ZFPM1: variants seen among roughly 807,000 people sequenced by gnomAD.
The protein encoded by ZFPM1 is zinc finger protein, FOG family member 1, also known as zinc finger protein ZFPM1.
Under a neutral mutation model 46.3 loss-of-function variants are expected in ZFPM1, and 28 were observed. The ratio of observed to expected loss-of-function variants is 0.60; its 90% CI spans 0.45 to 0.83. ZFPM1 has a LOEUF of 0.83. Among genes scored for constraint, ZFPM1 ranks in the 40% least tolerant of loss-of-function variants. ZFPM1 has a pLI of 0.00. For missense variants in ZFPM1, 1,878 were observed against 1,432.4 expected (o/e 1.31, Z -5.02); for synonymous variants, 957 against 675.9 (o/e 1.42, Z -6.45).
Position 88,532,770 on chromosome 16 carries a change from A to G in ZFPM1, c.1043-19A>G, listed in dbSNP as rs779635096. ...CGCCTCCCCGCCCTGGGCCTTGACC[A>G]CCTCGCCATGGCCCACAGGTGTCTG... On this transcript the variant is annotated intron_variant, in intron 8 of 9. Transcript: ENST00000319555. 1 of 1,612,854 alleles carries G rather than the reference A, an allele frequency of 6.2e-7. No homozygotes were observed. The highest frequency in any genetic ancestry group is 8.5e-7 in the Non-Finnish European group (1 of 1,179,794).
chr16:88,476,448 C>T lies in ZFPM1; in HGVS notation c.41-9491C>T, dbSNP rs149592415. Among the ~76,000 whole-genome samples, 584 of 151,606 alleles carry T rather than the reference C, an allele frequency of 3.9e-3. 2 individuals carry two copies. The highest frequency in any genetic ancestry group is 5.0e-3 in the Non-Finnish European group (336 of 67,828). On this transcript the variant is annotated intron_variant, in intron 1 of 9. Transcript: ENST00000319555. ...GAGAGAGGGCCGCCAAGTGGCAGGG[C>T]GGCCATCGTGGGAACTGGGGAGGGC...
At chr16:88,489,416 C>A in intron 3 of ZFPM1, 1 of 450,290 alleles carries the variant, frequency 2.2e-6, no homozygotes, top group Admixed American at 4.0e-5. Flanking sequence ...CTGGTCTGGG[C>A]CGCGGAAGAG....
chr16:88,505,866 G>A (rs561810433), intron 3 of ZFPM1, among the ~76,000 whole-genome samples: 12 of 152,226 alleles, frequency 7.9e-5, no homozygotes, highest in South Asian at 4.1e-4. Flanking sequence ...TGCAGCCGCC[G>A]GCAGGGCCCC....
Position 88,518,038 on chromosome 16 carries a change from G to T in ZFPM1, c.402+3518G>T, listed in dbSNP as rs185707835. 1.3e-3 allele frequency among the ~76,000 whole-genome samples: 196 copies of T among 152,102 alleles called. 1 individual carries two copies. The highest frequency in any genetic ancestry group is 1.9e-3 in the Non-Finnish European group (131 of 67,964). The stretch of plus-strand genomic sequence containing the variant: ...ATCCTGGCTAACATGGTGAAACCCC[G>T]TCTCTATTAAAAAAAAATTAGCCGG... On this transcript the variant is annotated intron_variant, in intron 4 of 9. Coordinates refer to ENST00000319555, the MANE Select transcript of ZFPM1 (RefSeq NM_153813.3).
intron 3 of ZFPM1, among the ~76,000 whole-genome samples, chr16:88,506,377 TG>T (rs1404354495): frequency 6.6e-6 from 1 of 151,880 alleles, no homozygotes; most frequent in East Asian, 1.9e-4. Context: ...GGCAGGGCGC[TG>T]GGGGGCCTTA....
chr16:88,454,304 C>T (rs1284708743), intron 1 of ZFPM1, among the ~76,000 whole-genome samples: 7 of 152,194 alleles, frequency 4.6e-5, no homozygotes, highest in Non-Finnish European at 1.0e-4. Flanking sequence ...AGGCACTTGG[C>T]TCCAGCCCCC....
intron 1 of ZFPM1, among the ~76,000 whole-genome samples, 178 bp downstream of exon 1, chr16:88,453,856 C>G (rs1442954597): frequency 1.3e-5 from 2 of 151,748 alleles, no homozygotes; most frequent in African/African-American, 4.8e-5. Flanking sequence ...GCGGCCTGGG[C>G]CCCCGCGTCT....
intron 3 of ZFPM1, among the ~76,000 whole-genome samples, chr16:88,509,019 G>A (rs989100836): frequency 6.6e-6 from 1 of 152,136 alleles, no homozygotes; most frequent in Non-Finnish European, 1.5e-5. Context: ...TGGCCACCCC[G>A]GTCTGCCTCC....
At chr16:88,455,640 C>A (rs550622351) in intron 1 of ZFPM1, among the ~76,000 whole-genome samples, 3 of 152,012 alleles carry the variant, frequency 2.0e-5, no homozygotes, top group African/African-American at 7.2e-5. Flanking sequence ...CCCACCCGCG[C>A]CCCCATCAAA....
intron 3 of ZFPM1, among the ~76,000 whole-genome samples, chr16:88,493,316 G>A (rs1341232051): frequency 2.0e-5 from 3 of 146,464 alleles, no homozygotes; most frequent in Non-Finnish European, 4.5e-5. Context: ...GCTGTCCTGG[G>A]GTGTGGGAAA....
intron 3 of ZFPM1, among the ~76,000 whole-genome samples, chr16:88,510,925 G>A (rs576062210): frequency 8.5e-5 from 13 of 152,312 alleles, no homozygotes; most frequent in South Asian, 2.1e-4. Context: ...GGCTCGGTCC[G>A]TGGGGCAGGT....
intron 3 of ZFPM1, among the ~76,000 whole-genome samples, chr16:88,501,842 CCCT>C: frequency 6.6e-6 from 1 of 152,032 alleles, no homozygotes; most frequent in African/African-American, 2.4e-5. Flanking sequence ...GGGTGCAGGG[CCCT>C]CCTGCCACTG....
chr16:88,503,215 C>T (rs1260486694), intron 3 of ZFPM1, among the ~76,000 whole-genome samples: 1 of 150,028 alleles, frequency 6.7e-6, no homozygotes, highest in Non-Finnish European at 1.5e-5. Context: ...GTGGAGGGAT[C>T]TGTGTCTGGG....
rs540035386 is a variant in ZFPM1, at chr16:88,469,879, G to A, written c.41-16060G>A. On this transcript the variant is annotated intron_variant, in intron 1 of 9. Coordinates refer to ENST00000319555, the MANE Select transcript of ZFPM1 (RefSeq NM_153813.3). This position sits in a 1 kb window ranked among gnomAD's most constrained non-coding sequence, Gnocchi z 4.3. The stretch of plus-strand genomic sequence containing the variant: ...TAACGTGGGGTGCAGTGCCTCTCAC[G>A]TGGTGAGGGTCAGAGGTGCGTGCCC... 1.1e-4 allele frequency among the ~76,000 whole-genome samples: 17 copies of A among 152,166 alleles called. No homozygotes were observed. The highest frequency in any genetic ancestry group is 5.8e-4 in the East Asian group (3 of 5,158).
At chr16:88,524,817 C>T (rs550022593) in intron 4 of ZFPM1, among the ~76,000 whole-genome samples, 2 of 152,216 alleles carry the variant, frequency 1.3e-5, no homozygotes, top group Non-Finnish European at 2.9e-5. Flanking sequence ...CTCTGTCCCC[C>T]CAACAGCCAT....
chr16:88,501,132 G>T (rs76443841), intron 3 of ZFPM1, among the ~76,000 whole-genome samples: 13,991 of 84,318 alleles, frequency 0.17, 1,257 homozygotes, highest in East Asian at 0.25. Context: ...CATGGATGCG[G>T]GGGCCATCCC....
chr16:88,524,743 G>C (rs1230461065), intron 4 of ZFPM1, among the ~76,000 whole-genome samples: 4 of 152,250 alleles, frequency 2.6e-5, no homozygotes, highest in Admixed American at 2.0e-4. Flanking sequence ...ACCCCCCTGA[G>C]ACTGCCCCAA....
intron 3 of ZFPM1, among the ~76,000 whole-genome samples, chr16:88,498,857 G>A (rs1043390849): frequency 6.6e-6 from 1 of 152,190 alleles, no homozygotes; most frequent in Non-Finnish European, 1.5e-5. Flanking sequence ...CGTTGGCGTG[G>A]ACACCTTGGC....
At chr16:88,470,907 A>C (rs960345819) in intron 1 of ZFPM1, among the ~76,000 whole-genome samples, 2 of 152,122 alleles carry the variant, frequency 1.3e-5, no homozygotes, top group Non-Finnish European at 2.9e-5. Flanking sequence ...CCGAGCGCAC[A>C]GTGGGAGCTC....
Sources: allele counts gnomAD v4.1 joint callset (sites outside exome capture counted in the v4.1 genomes callset), GRCh38; gene constraint gnomAD v4.1.1; non-coding constraint Gnocchi (gnomAD v3.1); transcripts MANE v1.5; gene names NCBI Gene and HGNC (gene_info 2026-07-23, HGNC 2026-07-21).